Variants in ADAM18 observed in about 807,000 individuals in gnomAD.
ADAM18 encodes ADAM metallopeptidase domain 18.
ADAM18 carries 117 observed loss-of-function variants against 94.4 expected under a neutral mutation model. The ratio of observed to expected loss-of-function variants is 1.24; its 90% confidence interval spans 1.07 to 1.45. The LOEUF (loss-of-function observed/expected upper bound fraction) is 1.45, where lower values mean the gene tolerates loss of function less well. Among genes scored for constraint, ADAM18 ranks in the 40% most tolerant of loss-of-function variants. ADAM18 has a pLI of 0.00. For synonymous variants in ADAM18, 327 were observed against 291.6 expected (o/e 1.12, Z -1.24); for missense variants, 936 against 880.0 (o/e 1.06, Z -0.81).
chr8:39,685,597 T>G (rs1475507489), intron 16 of ADAM18, among the ~76,000 whole-genome samples: 1 of 152,148 alleles, frequency 6.6e-6, no homozygotes, highest in African/African-American at 2.4e-5. Flanking sequence ...AATCTCTTTT[T>G]CAAAAGGTGG....
intron 12 of ADAM18, among the ~76,000 whole-genome samples, chr8:39,649,576 T>TGAAA (rs1422369778): frequency 3.3e-5 from 5 of 152,166 alleles, no homozygotes; most frequent in Non-Finnish European, 7.4e-5. Flanking sequence ...CATTTTGGGT[T>TGAAA]TCTACAACTA....
intron 7 of ADAM18, among the ~76,000 whole-genome samples, chr8:39,630,650 G>T (rs188267254): frequency 6.6e-6 from 1 of 151,652 alleles, no homozygotes; most frequent in Non-Finnish European, 1.5e-5. Flanking sequence ...GTATACTAAC[G>T]TGAAGAATAC....
chr8:39,621,935 TGAG>T (rs1437451977), intron 6 of ADAM18, among the ~76,000 whole-genome samples: 3 of 152,172 alleles, frequency 2.0e-5, no homozygotes, highest in East Asian at 3.9e-4. Flanking sequence ...GGGTGGAGGA[TGAG>T]AAGAGGAAGA....
In ADAM18 at chr8:39,645,326, C is replaced by CTTT; in HGVS notation, c.910-10_910-8dup. 2 of 1,580,506 alleles carry CTTT rather than the reference C, an allele frequency of 1.3e-6. No homozygotes were observed. The highest frequency in any genetic ancestry group is 1.7e-6 in the Non-Finnish European group (2 of 1,165,850). On this transcript the variant is annotated splice_polypyrimidine_tract_variant and intron_variant, in intron 10 of 19. Transcript: ENST00000265707. Reference sequence around the variant, plus strand: ...CACATAATAATTTTCTTTTTCATGTCTTTTATTTTAGTATCCAGATGCAAT... The same window carrying CTTT: ...CACATAATAATTTTCTTTTTCATGTCTTTTTTTATTTTAGTATCCAGATGCAAT...
intron 7 of ADAM18, among the ~76,000 whole-genome samples, chr8:39,634,920 G>A (rs931876842): frequency 3.3e-5 from 5 of 152,138 alleles, no homozygotes; most frequent in Admixed American, 2.0e-4. Flanking sequence ...GAAACTAGGG[G>A]TGGAATGTTA....
chr8:39,693,897 A>G (rs201817122), intron 17 of ADAM18, among the ~76,000 whole-genome samples: 12 of 151,300 alleles, frequency 7.9e-5, no homozygotes, highest in Admixed American at 4.6e-4. Context: ...GACAGGTCTC[A>G]ATAGACAGCT....
At chr8:39,682,170 G>T (rs1276962922) in intron 16 of ADAM18, among the ~76,000 whole-genome samples, 1 of 152,056 alleles carries the variant, frequency 6.6e-6, no homozygotes, top group Non-Finnish European at 1.5e-5. Context: ...AAGAAAGAAA[G>T]GCTGCCTCAC....
At chr8:39,623,400 T>A (rs960648335) in intron 6 of ADAM18, among the ~76,000 whole-genome samples, 2 of 152,106 alleles carry the variant, frequency 1.3e-5, no homozygotes, top group African/African-American at 4.8e-5. Flanking sequence ...CTTTGAGAAA[T>A]CCCCATACTG....
chr8:39,689,849 T>C (rs1445736083), intron 16 of ADAM18, among the ~76,000 whole-genome samples: 1 of 152,204 alleles, frequency 6.6e-6, no homozygotes, highest in Admixed American at 6.5e-5. Context: ...TGTTTCTATT[T>C]GTTTATGTCA....
chr8:39,617,701 C>G (rs1478261529), intron 6 of ADAM18, among the ~76,000 whole-genome samples: 1 of 152,120 alleles, frequency 6.6e-6, no homozygotes, highest in African/African-American at 2.4e-5. Flanking sequence ...TATGAATGGA[C>G]TTGGAGGCCA....
At chr8:39,637,077 A>G (rs1393442295) in intron 7 of ADAM18, among the ~76,000 whole-genome samples, 187 bp from the exon 8 acceptor site, 2 of 143,544 alleles carry the variant, frequency 1.4e-5, no homozygotes, top group African/African-American at 5.1e-5. Flanking sequence ...GTATATACAT[A>G]ATATATAATC....
At chr8:39,647,465 CGA>C (rs1037971496) in intron 11 of ADAM18, among the ~76,000 whole-genome samples, 9 of 152,124 alleles carry the variant, frequency 5.9e-5, no homozygotes, top group Non-Finnish European at 1.0e-4. Flanking sequence ...GGTTTTATAC[CGA>C]GACATTCAGT....
intron 3 of ADAM18, among the ~76,000 whole-genome samples, chr8:39,607,231 G>A (rs898784040): frequency 4.6e-5 from 7 of 152,170 alleles, no homozygotes; most frequent in East Asian, 1.9e-4. Context: ...CTTTCCCCAC[G>A]TAAGAGCCCT....
intron 12 of ADAM18, among the ~76,000 whole-genome samples, chr8:39,663,368 C>A (rs1820895567): frequency 1.4e-5 from 2 of 138,186 alleles, no homozygotes; most frequent in South Asian, 4.6e-4. Flanking sequence ...GCAGGAGGAT[C>A]ATTTGAACTA....
At chr8:39,626,564 C>G (rs1409244106) in intron 6 of ADAM18, among the ~76,000 whole-genome samples, 1 of 151,946 alleles carries the variant, frequency 6.6e-6, no homozygotes, top group Non-Finnish European at 1.5e-5. Context: ...CCTCTCAGCG[C>G]TGCATTTGCT....
intron 12 of ADAM18, among the ~76,000 whole-genome samples, chr8:39,660,300 C>T (rs1299547146): frequency 2.0e-5 from 3 of 152,152 alleles, no homozygotes; most frequent in African/African-American, 7.2e-5. Flanking sequence ...TCAGAAGACA[C>T]AGAGTGGCTG....
chr8:39,667,072 T>G (rs1263317828), intron 13 of ADAM18, among the ~76,000 whole-genome samples: 2 of 152,072 alleles, frequency 1.3e-5, no homozygotes, highest in Non-Finnish European at 2.9e-5. Context: ...GTTTATGCTC[T>G]TAGATAATAA....
Position 39,654,861 on chromosome 8 carries a change from T to G in ADAM18, c.1230+6334T>G, listed in dbSNP as rs538120445. On this transcript the variant is annotated intron_variant, in intron 12 of 19. Transcript: ENST00000265707. ...TCTTATTTTGAGAAGTGCAGGGGAT[T>G]TTTGTCCATTTTTAAATTGGATTAT... Among the ~76,000 whole-genome samples the G allele has an allele frequency of 3.9e-5, 6 of 152,198 alleles. 1 individual carries two copies. In the South Asian group the frequency reaches 1.2e-3, roughly 32 times the overall value.
chr8:39,609,704 T>C (rs1352592618), intron 5 of ADAM18, 143 bp downstream of exon 5: 1 of 552,676 alleles, frequency 1.8e-6, no homozygotes, highest in Non-Finnish European at 3.1e-6. Context: ...TTATTCTATT[T>C]GTATTAATGT....
Sources: allele counts gnomAD v4.1 joint callset (sites outside exome capture counted in the v4.1 genomes callset), GRCh38; gene constraint gnomAD v4.1.1; transcripts MANE v1.5; gene names NCBI Gene and HGNC (gene_info 2026-07-23, HGNC 2026-07-21).